The following HS6ST3 variants were observed in gnomAD, a reference collection of about 807,000 sequenced individuals.
The protein encoded by HS6ST3 is heparan-sulfate 6-O-sulfotransferase 3.
HS6ST3 carries 12 observed loss-of-function variants against 36.7 expected under a neutral mutation model. The ratio of observed to expected loss-of-function variants is 0.33; its 90% CI spans 0.21 to 0.53. HS6ST3 has a LOEUF of 0.53. Ranked by LOEUF, HS6ST3 falls within the 20% of genes least tolerant of loss-of-function variation. HS6ST3 has a pLI of 0.95. For synonymous variants in HS6ST3, 240 were observed against 257.5 expected, an observed-to-expected ratio of 0.93 and a Z score of 0.65; for missense variants, 584 against 640.9, an observed-to-expected ratio of 0.91 and a Z score of 0.96.
chr13:96,795,074 T>TA (rs35807461), intron 1 of HS6ST3, among the ~76,000 whole-genome samples: 70 of 152,104 alleles, frequency 4.6e-4, no homozygotes, highest in Non-Finnish European at 8.7e-4. Flanking sequence ...AGCTTAGTTT[T>TA]AAAAAAATAG....
intron 1 of HS6ST3, among the ~76,000 whole-genome samples, chr13:96,702,465 C>G (rs1875315051): frequency 6.6e-6 from 1 of 152,144 alleles, no homozygotes. Context: ...TGTAAGTGAG[C>G]CAAATCAATA....
chr13:96,242,014 T>G (rs2054562919), intron 1 of HS6ST3, among the ~76,000 whole-genome samples: 1 of 151,934 alleles, frequency 6.6e-6, no homozygotes, highest in East Asian at 1.9e-4. Context: ...CTCGATCTCC[T>G]GACCTCGTGA....
chr13:96,563,539 A>C (rs2056270276), intron 1 of HS6ST3, among the ~76,000 whole-genome samples: 1 of 152,308 alleles, frequency 6.6e-6, no homozygotes, highest in South Asian at 2.1e-4. Context: ...GTCTTGCAGC[A>C]GTGGAAGATA....
At chr13:96,635,583 G>A (rs1204734859) in intron 1 of HS6ST3, among the ~76,000 whole-genome samples, 1 of 152,144 alleles carries the variant, frequency 6.6e-6, no homozygotes, top group Non-Finnish European at 1.5e-5. Context: ...CTTGGGCATA[G>A]CTCTATATAA....
chr13:96,822,781 A>G (rs970071654), intron 1 of HS6ST3, among the ~76,000 whole-genome samples: 2 of 152,202 alleles, frequency 1.3e-5, no homozygotes, highest in Admixed American at 6.5e-5. Flanking sequence ...ACATCTCAAG[A>G]GGTTGTTTCT....
intron 1 of HS6ST3, among the ~76,000 whole-genome samples, chr13:96,525,132 T>C (rs1238053356): frequency 3.3e-5 from 5 of 152,212 alleles, no homozygotes; most frequent in Non-Finnish European, 7.3e-5. Context: ...GATTATGTTT[T>C]CTCTCGTATC....
intron 1 of HS6ST3, among the ~76,000 whole-genome samples, chr13:96,606,396 A>G (rs2056438818): frequency 6.6e-6 from 1 of 152,128 alleles, no homozygotes; most frequent in South Asian, 2.1e-4. Flanking sequence ...CAGCCATTAA[A>G]AAAGAATGAA....
chr13:96,792,403 T>A (rs1012418697), intron 1 of HS6ST3, among the ~76,000 whole-genome samples: 4 of 151,998 alleles, frequency 2.6e-5, no homozygotes, highest in African/African-American at 7.2e-5. Context: ...CCTCTGGTGC[T>A]TATCAGAACA....
At chr13:96,118,735 GCT>G (rs2053910682) in intron 1 of HS6ST3, among the ~76,000 whole-genome samples, 2 of 101,820 alleles carry the variant, frequency 2.0e-5, no homozygotes, top group Admixed American at 3.3e-4. Context: ...ACGGAGTCTC[GCT>G]CTGTCGCCCA....
At chr13:96,434,892 A>G (rs2055633985) in intron 1 of HS6ST3, among the ~76,000 whole-genome samples, 1 of 152,142 alleles carries the variant, frequency 6.6e-6, no homozygotes, top group South Asian at 2.1e-4. Context: ...AGAATTCTAG[A>G]TTGGATGCCT....
At position 96,091,488 on chromosome 13, in the gene HS6ST3, A is replaced by G; in HGVS notation, c.626A>G (p.His209Arg). 6.2e-7 allele frequency: 1 copy of G among 1,603,806 alleles called. No homozygotes were observed. The highest frequency in any genetic ancestry group is 8.5e-7 in the Non-Finnish European group (1 of 1,176,888). The change falls in exon 1 of 2, where the codon CAC (histidine) becomes CGC (arginine). Residue 209 changes from histidine to arginine, a missense_variant. Coordinates refer to ENST00000376705, the MANE Select transcript of HS6ST3 (RefSeq NM_153456.4). ...TCCACCGGCTGGAGCTGCGGGCTGC[A>G]CGCCGACTGGACGGAGCTCACCAAC... ...RFSTGWSCGL[H>R]ADWTELTNCV...
chr13:96,400,314 C>T (rs1023942747), intron 1 of HS6ST3, among the ~76,000 whole-genome samples: 13 of 136,508 alleles, frequency 9.5e-5, no homozygotes, highest in South Asian at 4.5e-4. Flanking sequence ...CAGATACACA[C>T]ACACACACAC....
At chr13:96,587,841 G>A (rs1594813014) in intron 1 of HS6ST3, among the ~76,000 whole-genome samples, 1 of 152,184 alleles carries the variant, frequency 6.6e-6, no homozygotes, top group Non-Finnish European at 1.5e-5. Flanking sequence ...ACAATAGCAA[G>A]TTGTATGGAC....
At chr13:96,134,121 A>G (rs1318765417) in intron 1 of HS6ST3, among the ~76,000 whole-genome samples, 5 of 152,008 alleles carry the variant, frequency 3.3e-5, no homozygotes, top group Non-Finnish European at 5.9e-5. Context: ...TGGGCTCTCT[A>G]TTCTGTTCCA....
At chr13:96,110,291 TA>T (rs2053861664) in intron 1 of HS6ST3, among the ~76,000 whole-genome samples, 1 of 151,996 alleles carries the variant, frequency 6.6e-6, no homozygotes, top group Non-Finnish European at 1.5e-5. Context: ...AGCTCTCTTG[TA>T]AACTAACAGA....
chr13:96,375,622 T>C (rs777003987), intron 1 of HS6ST3, among the ~76,000 whole-genome samples: 3 of 152,216 alleles, frequency 2.0e-5, no homozygotes, highest in East Asian at 1.9e-4. Flanking sequence ...TGGTTCTCAA[T>C]TATTTGTCTT....
intron 1 of HS6ST3, among the ~76,000 whole-genome samples, chr13:96,281,256 A>G (rs989070938): frequency 6.6e-6 from 1 of 152,104 alleles, no homozygotes; most frequent in Non-Finnish European, 1.5e-5. Flanking sequence ...TGCCCACCTC[A>G]GCCTCCCAAA....
chr13:96,294,048 T>C (rs964204071), intron 1 of HS6ST3, among the ~76,000 whole-genome samples: 1 of 152,064 alleles, frequency 6.6e-6, no homozygotes, highest in Non-Finnish European at 1.5e-5. Context: ...AGGAATGACA[T>C]TACGTTTCTT....
At chr13:96,327,123 G>A (rs1456823125) in intron 1 of HS6ST3, among the ~76,000 whole-genome samples, 4 of 147,850 alleles carry the variant, frequency 2.7e-5, no homozygotes, top group Admixed American at 6.7e-5. Context: ...CTCCCATTTT[G>A]TAGGTTGCCT....
Sources: gnomAD v4.1 joint callset for allele counts (sites outside exome capture counted in the v4.1 genomes callset) on GRCh38, gnomAD v4.1.1 for gene constraint, MANE v1.5 for transcripts, NCBI Gene and HGNC (gene_info 2026-07-23, HGNC 2026-07-21) for gene names.